The following NPSR1 variants were observed in gnomAD, a reference collection of about 807,000 sequenced individuals.
NPSR1 encodes neuropeptide S receptor 1.
A neutral mutation model predicts 46.9 loss-of-function variants in NPSR1; 48 were observed. The observed-to-expected ratio is 1.02, with a 90% CI of 0.81 to 1.30. The LOEUF is 1.30. NPSR1 is among the 50% of genes most tolerant of loss of function. The pLI is 0.00. For missense variants in NPSR1, 450 were observed against 449.5 expected (o/e 1.00, Z -0.01); for synonymous variants, 176 against 168.1 (o/e 1.05, Z -0.36).
At chr7:34,848,186 T>C (rs1223323164) in intron 7 of NPSR1, among the ~76,000 whole-genome samples, 1 of 152,244 alleles carries the variant, frequency 6.6e-6, no homozygotes, top group Non-Finnish European at 1.5e-5. Context: ...TAGTCACTTG[T>C]TCCTGGGGTT....
chr7:34,780,378 T>A (rs1020383998), intron 3 of NPSR1, among the ~76,000 whole-genome samples: 1 of 152,144 alleles, frequency 6.6e-6, no homozygotes, highest in Non-Finnish European at 1.5e-5. Context: ...TCAGTAAAAT[T>A]TTTTCTAACT....
At chr7:34,761,323 A>G (rs949963878) in intron 2 of NPSR1, 22 of 152,176 alleles carry the variant, frequency 1.4e-4, no homozygotes, top group African/African-American at 5.3e-4. Flanking sequence ...AGACTCTTCT[A>G]CTATAACTTA....
rs759018766 is a variant in NPSR1 at position 34,844,965 on chromosome 7, G to A, written c.827G>A (p.Ser276Asn). 9.9e-6 allele frequency: 16 copies of A among 1,611,370 alleles called. No homozygotes were observed. Among genetic ancestry groups the A allele is most frequent in the Non-Finnish European group, 1.3e-5 (15 of 1,177,490 alleles). Residue 276 changes from serine to asparagine, a missense_variant, in exon 7 of 9, where the codon AGC (serine) becomes AAC (asparagine). By Grantham distance (46) the Ser-to-Asn change is conservative (BLOSUM62 1). Coordinates refer to ENST00000360581, the MANE Select transcript of NPSR1 (RefSeq NM_207172.2). Reference sequence around the variant, plus strand: ...GCAAAAATCAAGGCTATCAAGTATAGCATCATCATCATTCTTGGTAAGCAA... The same window carrying A: ...GCAAAAATCAAGGCTATCAAGTATAACATCATCATCATTCTTGGTAAGCAA... ...SKAKIKAIKY[S>N]IIIILAFICC... is the part of the protein sequence containing the mutation.
At chr7:34,753,273 G>A (rs891742754) in intron 2 of NPSR1, among the ~76,000 whole-genome samples, 4 of 152,162 alleles carry the variant, frequency 2.6e-5, no homozygotes, top group South Asian at 2.1e-4. Context: ...CCAGAAATAC[G>A]AGACTGTCTT....
Position 34,658,257 on chromosome 7 carries a change from G to A in NPSR1, c.-156G>A. 3 of 725,838 alleles carry A rather than the reference G, an allele frequency of 4.1e-6. No individual in the cohort carries two copies. Among genetic ancestry groups the A allele is most frequent in the Non-Finnish European group, 4.5e-6 (2 of 444,986 alleles). The allele number at this position is 725,838 out of a possible 1,614,324, so 45.0% of individuals were successfully genotyped here. A position where few individuals can be genotyped will look rare whatever the true frequency, so the allele number is the denominator to read the frequency against. ...AGAGAGCAGCACGTAGATCCTCCCT[G>A]TCATCAGGCAGAGCTCTTCAGTGAG... On this transcript the variant is annotated 5_prime_UTR_variant, in exon 1 of 9. Transcript: ENST00000360581.
chr7:34,784,488 A>C (rs1787371059), intron 3 of NPSR1, among the ~76,000 whole-genome samples: 1 of 152,062 alleles, frequency 6.6e-6, no homozygotes, highest in Admixed American at 6.6e-5. Flanking sequence ...GATTACATTT[A>C]TTGATTTGCA....
intron 3 of NPSR1, among the ~76,000 whole-genome samples, chr7:34,793,257 G>C (rs546896595): frequency 2.0e-4 from 30 of 152,042 alleles, no homozygotes; most frequent in African/African-American, 7.0e-4. Context: ...TATCAACAGA[G>C]TAAAGATACA....
At chr7:34,808,808 G>C (rs548120653) in intron 3 of NPSR1, among the ~76,000 whole-genome samples, 238 of 152,086 alleles carry the variant, frequency 1.6e-3, no homozygotes, top group African/African-American at 5.6e-3. Flanking sequence ...GTGTTTTCTG[G>C]CATTACTTTT....
chr7:34,752,355 C>A (rs183111472), intron 2 of NPSR1, among the ~76,000 whole-genome samples: 31 of 152,198 alleles, frequency 2.0e-4, no homozygotes, highest in Admixed American at 1.4e-3. Context: ...TTCCTTCAGA[C>A]CTCCAATAAA....
intron 3 of NPSR1, among the ~76,000 whole-genome samples, chr7:34,782,805 T>C (rs1405692321): frequency 6.6e-6 from 1 of 152,068 alleles, no homozygotes; most frequent in African/African-American, 2.4e-5. Context: ...TAGAGATATA[T>C]GCAATGCTTG....
At chr7:34,753,380 T>C (rs1048330983) in intron 2 of NPSR1, 1 of 152,180 alleles carries the variant, frequency 6.6e-6, no homozygotes, top group Non-Finnish European at 1.5e-5. Context: ...AATGCTATTC[T>C]GAATTACAAA....
At position 34,823,399 on chromosome 7, in the gene NPSR1, G is replaced by GAAAAAGAAAAAAAAA. The variant is rs1554336128; in HGVS notation, c.479-3997_479-3996insGAAAAAAAAAAAAAA. ...TTGGCAACAGAGCAAGACTTCACCAGAAAAAAAAAAAAAAAAACAACACCA... is the reference window on the plus strand; with the variant it reads ...TTGGCAACAGAGCAAGACTTCACCAGAAAAAGAAAAAAAAAAAAAAAAAAAAAAAAAACAACACCA... On this transcript the variant is annotated intron_variant, in intron 4 of 8. Transcript: ENST00000360581. Among the ~76,000 whole-genome samples the GAAAAAGAAAAAAAAA allele has an allele frequency of 6.0e-3, 412 of 68,148 alleles. 17 individuals carry two copies. The highest frequency in any genetic ancestry group is 0.02 in the African/African-American group (395 of 19,444). 44.7% of individuals were successfully genotyped at this position (68,148 alleles called of 152,430 possible). A position where few individuals can be genotyped will look rare whatever the true frequency, so the allele number is the denominator to read the frequency against.
intron 2 of NPSR1, chr7:34,753,566 C>G (rs1449605327): frequency 6.6e-6 from 1 of 152,018 alleles, no homozygotes; most frequent in Non-Finnish European, 1.5e-5. Context: ...ACCCCTATCC[C>G]AGGAGCAGGT....
intron 2 of NPSR1, among the ~76,000 whole-genome samples, chr7:34,690,429 A>G (rs1281447457): frequency 6.6e-6 from 1 of 152,212 alleles, no homozygotes; most frequent in Non-Finnish European, 1.5e-5. Flanking sequence ...AATATCAGGT[A>G]AAGAGCTCAA....
intron 1 of NPSR1, among the ~76,000 whole-genome samples, chr7:34,678,372 C>T (rs752397028): frequency 6.6e-6 from 1 of 151,860 alleles, no homozygotes; most frequent in African/African-American, 2.4e-5. Context: ...CAAGCACGCA[C>T]CACCACGACC....
intron 2 of NPSR1, among the ~76,000 whole-genome samples, chr7:34,768,862 G>T (rs1259310647): frequency 1.3e-5 from 2 of 152,150 alleles, no homozygotes; most frequent in African/African-American, 2.4e-5. Context: ...AGGATGCGGT[G>T]ACTGAGTATT....
chr7:34,870,454 T>C (rs1039856899), intron 8 of NPSR1, among the ~76,000 whole-genome samples: 7 of 151,776 alleles, frequency 4.6e-5, no homozygotes, highest in African/African-American at 9.7e-5. Flanking sequence ...TGAGCCCAAA[T>C]TGTGGAAATG....
intron 2 of NPSR1, among the ~76,000 whole-genome samples, chr7:34,741,508 G>A (rs947061651): frequency 5.3e-5 from 8 of 152,116 alleles, no homozygotes; most frequent in African/African-American, 1.9e-4. Flanking sequence ...AAGCTGCTGT[G>A]GACAATTCCT....
intron 8 of NPSR1, among the ~76,000 whole-genome samples, chr7:34,868,738 C>T (rs1423830767): frequency 2.0e-5 from 3 of 151,658 alleles, no homozygotes; most frequent in African/African-American, 4.9e-5. Context: ...CCCCCTGAGT[C>T]GGTTTCCATG....
Sources: allele counts gnomAD v4.1 joint callset (sites outside exome capture counted in the v4.1 genomes callset), GRCh38; gene constraint gnomAD v4.1.1; transcripts MANE v1.5; gene names NCBI Gene and HGNC (gene_info 2026-07-23, HGNC 2026-07-21).